FYB2: variants seen among roughly 807,000 people sequenced by gnomAD.
FYB2 encodes FYN-binding protein 2.
In FYB2, 103 loss-of-function variants were observed where a neutral mutation model predicts 94.1. That is an observed-to-expected ratio of 1.09 (90% confidence interval 0.93 to 1.29). FYB2 has a LOEUF of 1.29. Ranked by LOEUF, FYB2 falls within the 50% of genes most tolerant of loss-of-function variation. The pLI is 0.00. For synonymous variants in FYB2, 293 were observed against 287.9 expected (o/e 1.02, Z -0.18); for missense variants, 896 against 841.5 (o/e 1.06, Z -0.80).
intron 9 of FYB2, among the ~76,000 whole-genome samples, chr1:56,745,803 AAG>A (rs1645054236): frequency 6.6e-6 from 1 of 151,962 alleles, no homozygotes; most frequent in African/African-American, 2.4e-5. Flanking sequence ...TGATCTACAG[AAG>A]TCCCTTGTTA....
At chr1:56,755,326 A>G (rs2100720211) in intron 7 of FYB2, among the ~76,000 whole-genome samples, 2 of 152,218 alleles carry the variant, frequency 1.3e-5, no homozygotes, top group East Asian at 3.9e-4. Flanking sequence ...CATACTGTGC[A>G]AACAGACCTT....
chr1:56,732,724 G>A (rs906877472), intron 15 of FYB2, among the ~76,000 whole-genome samples: 1 of 151,984 alleles, frequency 6.6e-6, no homozygotes, highest in East Asian at 1.9e-4. Context: ...ACACTCAATG[G>A]GGGAAGTACA....
chr1:56,775,852 A>G (rs566728576), intron 4 of FYB2, among the ~76,000 whole-genome samples: 2 of 152,332 alleles, frequency 1.3e-5, no homozygotes, highest in South Asian at 4.1e-4. Context: ...TATGTCTGCT[A>G]GTGGTATAAA....
In FYB2 at chr1:56,775,256, C is replaced by A. The variant is rs553360807; in HGVS notation, c.954-7318G>T. 1.9e-3 allele frequency among the ~76,000 whole-genome samples: 288 copies of A among 152,258 alleles called. 2 individuals are homozygous for A. Among genetic ancestry groups the A allele is most frequent in the African/African-American group, 6.7e-3 (277 of 41,554 alleles). On this transcript the variant is annotated intron_variant, in intron 4 of 19. Transcript: ENST00000343433. ...ACAACAAATAGAGCTTCTCTCAGCC[C>A]TGGGCACTAGGTATTTCTTTTTTCT...
At chr1:56,779,339 C>T (rs1011504279) in intron 4 of FYB2, among the ~76,000 whole-genome samples, 6 of 152,048 alleles carry the variant, frequency 3.9e-5, no homozygotes, top group Non-Finnish European at 7.4e-5. Context: ...AAGAAAGGAG[C>T]GTGCCTCTCA....
rs1645535272 is a variant in FYB2, at chr1:56,762,996, TTGTC to T, written c.1064-4250_1064-4247del. 5.3e-5 allele frequency among the ~76,000 whole-genome samples: 8 copies of T among 152,342 alleles called. No homozygotes were observed. The East Asian group carries it at 1.3e-3, about 26-fold the overall frequency. ...TTTGTTAAATTATTTTCTGCACAGATTGTCTAATTTTTCTTCTTTATCCTGCCAA... is the reference window on the plus strand; with the variant it reads ...TTTGTTAAATTATTTTCTGCACAGATTAATTTTTCTTCTTTATCCTGCCAA... On this transcript the variant is annotated intron_variant, in intron 5 of 19. Coordinates refer to ENST00000343433, the MANE Select transcript of FYB2 (RefSeq NM_001004303.5).
intron 2 of FYB2, 103 bp from the exon 3 acceptor site, chr1:56,789,237 T>C: frequency 7.7e-7 from 1 of 1,302,414 alleles, no homozygotes; most frequent in Non-Finnish European, 1.0e-6. Flanking sequence ...GTCCAATCTA[T>C]TCTCCACCCA....
chr1:56,785,661 A>T (rs1055191716), intron 4 of FYB2, among the ~76,000 whole-genome samples: 4 of 152,158 alleles, frequency 2.6e-5, no homozygotes, highest in Non-Finnish European at 2.9e-5. Context: ...TCCCGTTTCT[A>T]TACCATTTCT....
Position 56,744,155 on chromosome 1 carries a change from T to C in FYB2, c.1499A>G (p.Glu500Gly), listed in dbSNP as rs1212324898. The change falls in exon 10 of 20, where the codon GAG becomes GGG. Residue 500 changes from glutamate to glycine, a missense_variant. Glu to Gly is a moderately conservative substitution (Grantham distance 98). Coordinates refer to ENST00000343433, the MANE Select transcript of FYB2 (RefSeq NM_001004303.5). ...GAAAGACTGGAATGTTACTTACACC[T>C]CTTTCCTGGAGTACTCGACATCATC... Reference protein sequence around the residue: ...IYDDVEYSRKEVPKLNYSSSL... With the variant: ...IYDDVEYSRKGVPKLNYSSSL... 6.2e-7 allele frequency: 1 copy of C among 1,612,312 alleles called. No homozygotes were observed. Among genetic ancestry groups the C allele is most frequent in the African/African-American group, 1.3e-5 (1 of 74,884 alleles).
chr1:56,760,998 C>A (rs1253230782), intron 5 of FYB2, among the ~76,000 whole-genome samples: 1 of 152,150 alleles, frequency 6.6e-6, no homozygotes, highest in Non-Finnish European at 1.5e-5. Context: ...ACTTTCTGCA[C>A]AGAGTTATAT....
intron 1 of FYB2, among the ~76,000 whole-genome samples, chr1:56,801,918 G>T (rs1051277977): frequency 6.6e-6 from 1 of 152,146 alleles, no homozygotes; most frequent in South Asian, 2.1e-4. Flanking sequence ...CTCTTTATTT[G>T]TACCAGAGGC....
rs115168935 is a variant in FYB2, at chr1:56,739,171, C to A, written c.1704-518G>T. On this transcript the variant is annotated intron_variant, in intron 13 of 19. Transcript: ENST00000343433. Reference sequence around the variant, plus strand: ...TAAGGAACTGGATATTTATTCTAAACGTAGTATGTAGCCAATGAATAGTTT... The same window carrying A: ...TAAGGAACTGGATATTTATTCTAAAAGTAGTATGTAGCCAATGAATAGTTT... Among the ~76,000 whole-genome samples, 974 of 152,090 alleles carry A rather than the reference C, an allele frequency of 6.4e-3. 18 individuals are homozygous for A. The highest frequency in any genetic ancestry group is 0.022 in the African/African-American group (921 of 41,504).
At chr1:56,738,128 T>C (rs977547928) in intron 14 of FYB2, among the ~76,000 whole-genome samples, 1 of 152,094 alleles carries the variant, frequency 6.6e-6, no homozygotes, top group Non-Finnish European at 1.5e-5. Context: ...ACCGTGCTAA[T>C]TTATGCACTA....
At chr1:56,786,608 T>A (rs539300784) in intron 4 of FYB2, among the ~76,000 whole-genome samples, 15 of 152,312 alleles carry the variant, frequency 9.8e-5, no homozygotes, top group Admixed American at 3.3e-4. Flanking sequence ...TGGCAAACTT[T>A]CTGAGCCCAA....
chr1:56,817,160 T>C lies in FYB2; in HGVS notation c.9+2122A>G, dbSNP rs147141919. On this transcript the variant is annotated intron_variant, in intron 1 of 19. Transcript: ENST00000343433. Reference sequence around the variant, plus strand: ...CTCCATTTCGCTCAGAGGAAATGCTTGAGTTTCAACAATGGCCTCCAGGGC... The same window carrying C: ...CTCCATTTCGCTCAGAGGAAATGCTCGAGTTTCAACAATGGCCTCCAGGGC... Among the ~76,000 whole-genome samples, 1,143 of 152,282 alleles carry C rather than the reference T, an allele frequency of 7.5e-3. 4 individuals carry two copies. Among genetic ancestry groups the C allele is most frequent in the Middle Eastern group, 0.01 (3 of 294 alleles).
chr1:56,797,570 G>T (rs1389925368), intron 1 of FYB2, among the ~76,000 whole-genome samples: 1 of 152,070 alleles, frequency 6.6e-6, no homozygotes, highest in Non-Finnish European at 1.5e-5. Context: ...CTTGGTAAAT[G>T]AGGCCCTGAG....
chr1:56,745,914 G>A (rs1398783273), intron 9 of FYB2, among the ~76,000 whole-genome samples: 1 of 151,832 alleles, frequency 6.6e-6, no homozygotes, highest in Non-Finnish European at 1.5e-5. Flanking sequence ...GCCAACTTCT[G>A]CCTCAGGGAT....
At chr1:56,818,455 A>AACACACACACAC (rs3991685) in intron 1 of FYB2, among the ~76,000 whole-genome samples, 20 of 139,966 alleles carry the variant, frequency 1.4e-4, no homozygotes, top group Admixed American at 1.1e-3. Context: ...GTATGGAAGC[A>AACACACACACAC]ACACACACAC....
At chr1:56,742,326 T>G (rs1644974892) in intron 11 of FYB2, 105 bp from the exon 12 acceptor site, 2 of 793,246 alleles carry the variant, frequency 2.5e-6, no homozygotes, top group African/African-American at 3.6e-5. Context: ...GGTACTTTGA[T>G]CTTTCTTTTG....
Sources: allele counts gnomAD v4.1 joint callset (sites outside exome capture counted in the v4.1 genomes callset), GRCh38; gene constraint gnomAD v4.1.1; transcripts MANE v1.5; gene names NCBI Gene and HGNC (gene_info 2026-07-23, HGNC 2026-07-21).